The following CTNNA2 variants were observed in gnomAD, a reference collection of about 807,000 sequenced individuals.
CTNNA2 encodes the protein catenin alpha 2.
In CTNNA2, 42 loss-of-function variants were observed where a neutral mutation model predicts 101.0. The ratio of observed to expected loss-of-function variants is 0.42; its 90% CI spans 0.32 to 0.54. CTNNA2 has a LOEUF of 0.54. CTNNA2 is among the 20% of genes least tolerant of loss of function. CTNNA2 has a pLI of 0.14. For missense variants in CTNNA2, 871 were observed against 1,223.1 expected (o/e 0.71, Z 4.29); for synonymous variants, 450 against 456.4 (o/e 0.99, Z 0.18).
At chr2:79,884,938 T>C (rs1683734635) in intron 6 of CTNNA2, among the ~76,000 whole-genome samples, 1 of 152,104 alleles carries the variant, frequency 6.6e-6, no homozygotes, top group Non-Finnish European at 1.5e-5. Context: ...AAAATAATTG[T>C]CTACTGGGGG....
At chr2:79,613,111 T>G (rs1678389554) in intron 1 of CTNNA2, among the ~76,000 whole-genome samples, 1 of 151,970 alleles carries the variant, frequency 6.6e-6, no homozygotes, top group African/African-American at 2.4e-5. Flanking sequence ...CCACCCAATT[T>G]TGCGGAGATG....
intron 2 of CTNNA2, among the ~76,000 whole-genome samples, chr2:79,724,994 G>A (rs984742591): frequency 6.6e-6 from 1 of 151,996 alleles, no homozygotes; most frequent in Admixed American, 6.6e-5. Flanking sequence ...GTCACAGCAA[G>A]TAGGAGCTGT....
In CTNNA2 at chr2:79,287,592, G is replaced by C. The variant is rs562338703; in HGVS notation, c.-405-25117G>C. On this transcript the variant is annotated intron_variant, in intron 2 of 21. Coordinates refer to the CTNNA2 transcript ENST00000466387. The stretch of plus-strand genomic sequence containing the variant: ...AGGGGTCAGGGACCCACTTGAGGAG[G>C]CAGTCTGCCCATTCTCAGATCTCCT... Among the ~76,000 whole-genome samples, 47 of 149,974 alleles carry C rather than the reference G, an allele frequency of 3.1e-4. 1 individual carries two copies. The highest frequency in any genetic ancestry group is 1.2e-3 in the African/African-American group (47 of 39,928).
chr2:79,330,304 C>T (rs900506535), intron 3 of CTNNA2, among the ~76,000 whole-genome samples: 1 of 152,124 alleles, frequency 6.6e-6, no homozygotes, highest in Non-Finnish European at 1.5e-5. Flanking sequence ...AGAAAGTGAA[C>T]AAAGCAAGTT....
chr2:79,500,840 C>A (rs1671311270), intron 4 of CTNNA2: 1 of 152,254 alleles, frequency 6.6e-6, no homozygotes, highest in Non-Finnish European at 1.5e-5. Flanking sequence ...AAGCTGCAGG[C>A]CTTCTTCGTC....
In CTNNA2 at chr2:79,338,489, AG is replaced by A. The variant is rs529681242; in HGVS notation, c.-318+25695del. Reference sequence around the variant, plus strand: ...ATGGGAGGGTGAATGAGATCAGAACAGGTAGTGAAAAAGCCATGTCAGGGAC... The same window carrying A: ...ATGGGAGGGTGAATGAGATCAGAACAGTAGTGAAAAAGCCATGTCAGGGAC... On this transcript the variant is annotated intron_variant, in intron 3 of 21. Coordinates refer to the CTNNA2 transcript ENST00000466387. Among the ~76,000 whole-genome samples, 21 of 152,290 alleles carry A rather than the reference AG, an allele frequency of 1.4e-4. No homozygotes were observed. In the South Asian group the frequency reaches 4.2e-3, roughly 30 times the overall value.
intron 9 of CTNNA2, among the ~76,000 whole-genome samples, chr2:80,437,947 G>A (rs1047538296): frequency 2.2e-4 from 34 of 152,200 alleles, no homozygotes; most frequent in African/African-American, 7.5e-4. Flanking sequence ...GCAGTCAGCC[G>A]AGACTGGGCT....
intron 7 of CTNNA2, among the ~76,000 whole-genome samples, chr2:80,358,881 A>T (rs895861446): frequency 6.0e-5 from 9 of 149,756 alleles, no homozygotes; most frequent in African/African-American, 9.8e-5. Flanking sequence ...TTCACCCATT[A>T]AAAAAAAACA....
At chr2:79,860,551 T>TTTTTTG (rs1389219523) in intron 4 of CTNNA2, among the ~76,000 whole-genome samples, 4 of 149,486 alleles carry the variant, frequency 2.7e-5, no homozygotes, top group African/African-American at 9.9e-5. Flanking sequence ...GGGAAGTTTT[T>TTTTTTG]TTTTTTTTTT....
intron 12 of CTNNA2, among the ~76,000 whole-genome samples, chr2:80,558,879 G>A (rs756587706): frequency 5.3e-5 from 8 of 152,060 alleles, no homozygotes; most frequent in East Asian, 1.9e-4. Context: ...AAAATTCTGT[G>A]CCATTAGATT....
chr2:80,626,808 G>A (rs1024247573), intron 18 of CTNNA2, among the ~76,000 whole-genome samples: 8 of 151,914 alleles, frequency 5.3e-5, no homozygotes, highest in African/African-American at 1.5e-4. Flanking sequence ...GTGGTTTGCT[G>A]CACCCATCAA....
At chr2:80,461,239 T>C (rs1684394779) in intron 9 of CTNNA2, among the ~76,000 whole-genome samples, 1 of 152,186 alleles carries the variant, frequency 6.6e-6, no homozygotes, top group African/African-American at 2.4e-5. Context: ...ACCCTCCTTG[T>C]CTGATGAAGT....
intron 4 of CTNNA2, among the ~76,000 whole-genome samples, chr2:79,394,882 A>G (rs997739946): frequency 6.6e-6 from 1 of 152,200 alleles, no homozygotes; most frequent in Non-Finnish European, 1.5e-5. Flanking sequence ...AATAGACACT[A>G]TCACTTATTT....
rs549750090 is a variant in CTNNA2 at position 80,235,971 on chromosome 2, C to T, written c.1057-157240C>T. ...TGCTCTCCCTTTTCCCACCCTCCAC[C>T]CTCCAGTAGACCCCAATGTCTGTTG... On this transcript the variant is annotated intron_variant, in intron 7 of 18. Transcript: ENST00000402739. Among the ~76,000 whole-genome samples the T allele has an allele frequency of 7.9e-5, 12 of 152,290 alleles. No individual in the cohort carries two copies. In the South Asian group the frequency reaches 2.3e-3, roughly 29 times the overall value.
intron 7 of CTNNA2, among the ~76,000 whole-genome samples, chr2:80,172,643 T>C (rs751694901): frequency 1.3e-5 from 2 of 152,204 alleles, no homozygotes; most frequent in Non-Finnish European, 2.9e-5. Flanking sequence ...AAATGTATTG[T>C]CTCATGGCTC....
intron 2 of CTNNA2, among the ~76,000 whole-genome samples, chr2:79,287,258 C>A (rs1675628247): frequency 6.6e-6 from 1 of 152,214 alleles, no homozygotes; most frequent in Non-Finnish European, 1.5e-5. Flanking sequence ...CTCAGCTCGT[C>A]AAAGTCATTC....
rs796637765 is a variant in CTNNA2 at position 79,579,258 on chromosome 2, GCTTCCTTC to G, written c.-6+66069_-6+66076del. Reference sequence around the variant, plus strand: ...CTTCCCTTCCTTCCCTCCCTCCCTCGCTTCCTTCCTTCCTTCCTTCCTTCCCCTGCTAC... The same window carrying G: ...CTTCCCTTCCTTCCCTCCCTCCCTCGCTTCCTTCCTTCCTTCCCCTGCTAC... On this transcript the variant is annotated intron_variant, in intron 1 of 18. Coordinates refer to ENST00000402739, the MANE Select transcript of CTNNA2 (RefSeq NM_001282597.3). Among the ~76,000 whole-genome samples, 54 of 102,802 alleles carry G rather than the reference GCTTCCTTC, an allele frequency of 5.3e-4. No individual in the cohort carries two copies. The East Asian group carries it at 6.8e-3, about 13-fold the overall frequency. 67.4% of individuals were successfully genotyped at this position (102,802 alleles called of 152,430 possible).
At chr2:79,848,329 A>AT (rs1237546087) in intron 3 of CTNNA2, among the ~76,000 whole-genome samples, 3 of 152,110 alleles carry the variant, frequency 2.0e-5, no homozygotes, top group Non-Finnish European at 4.4e-5. Flanking sequence ...TCTATATGCC[A>AT]TTTTTCTCTT....
chr2:79,458,832 A>C (rs555324825), intron 4 of CTNNA2, among the ~76,000 whole-genome samples: 1 of 152,264 alleles, frequency 6.6e-6, no homozygotes, highest in East Asian at 1.9e-4. Flanking sequence ...TTTTGCTCCG[A>C]AAAAGATTAA....
Sources: gnomAD v4.1 joint callset for allele counts (sites outside exome capture counted in the v4.1 genomes callset) on GRCh38, gnomAD v4.1.1 for gene constraint, MANE v1.5 for transcripts, NCBI Gene and HGNC (gene_info 2026-07-23, HGNC 2026-07-21) for gene names.